COMMD10: variants seen among roughly 807,000 people sequenced by gnomAD.
COMMD10 encodes COMM domain containing 10.
In COMMD10, 33 loss-of-function variants were observed where a neutral mutation model predicts 28.9. That is an observed-to-expected ratio of 1.14 (90% confidence interval 0.87 to 1.53). COMMD10 has a LOEUF of 1.53. Among genes scored for constraint, COMMD10 ranks in the 40% most tolerant of loss-of-function variants. COMMD10 has a pLI of 0.00. For missense variants in COMMD10, 310 were observed against 233.4 expected (o/e 1.33, Z -2.14); for synonymous variants, 110 against 81.7 (o/e 1.35, Z -1.87).
intron 4 of COMMD10, among the ~76,000 whole-genome samples, chr5:116,130,447 T>G (rs1410272894): frequency 6.6e-6 from 1 of 151,942 alleles, no homozygotes; most frequent in Non-Finnish European, 1.5e-5. Flanking sequence ...TGACCCTGCT[T>G]CTCCGTCTTC....
chr5:116,093,948 T>C (rs2112713756), intron 4 of COMMD10, among the ~76,000 whole-genome samples: 1 of 152,254 alleles, frequency 6.6e-6, no homozygotes, highest in Non-Finnish European at 1.5e-5. Flanking sequence ...CTTTAATAAA[T>C]GGTGCTAGGA....
intron 5 of COMMD10, among the ~76,000 whole-genome samples, chr5:116,272,736 C>A (rs886528019): frequency 1.4e-4 from 22 of 151,954 alleles, no homozygotes; most frequent in East Asian, 1.9e-4. Flanking sequence ...TGCAGTTGAT[C>A]TGGGTGTTGT....
chr5:116,194,036 A>T (rs944457501), intron 5 of COMMD10, among the ~76,000 whole-genome samples: 2 of 152,182 alleles, frequency 1.3e-5, no homozygotes, highest in Non-Finnish European at 2.9e-5. Flanking sequence ...ATGCAAATAC[A>T]TGGAAATTAA....
At chr5:116,186,230 T>G (rs1021045477) in intron 5 of COMMD10, among the ~76,000 whole-genome samples, 3 of 152,184 alleles carry the variant, frequency 2.0e-5, no homozygotes, top group African/African-American at 7.2e-5. Flanking sequence ...AACAAATTGT[T>G]TATTTTCATT....
intron 5 of COMMD10, among the ~76,000 whole-genome samples, chr5:116,248,821 AC>A (rs1580581514): frequency 6.6e-6 from 1 of 151,988 alleles, no homozygotes; most frequent in Admixed American, 6.6e-5. Flanking sequence ...AAATATACTG[AC>A]AAAATTGAAA....
At chr5:116,204,067 C>T (rs572755296) in intron 5 of COMMD10, among the ~76,000 whole-genome samples, 3 of 151,510 alleles carry the variant, frequency 2.0e-5, no homozygotes, top group East Asian at 1.9e-4. Flanking sequence ...AAATGGAAAA[C>T]AAAAAAAGGC....
At chr5:116,208,275 C>G (rs994172105) in intron 5 of COMMD10, among the ~76,000 whole-genome samples, 20 of 152,118 alleles carry the variant, frequency 1.3e-4, no homozygotes, top group African/African-American at 3.4e-4. Flanking sequence ...TTTTATTGCA[C>G]TTTTGGAGCC....
At chr5:116,249,774 T>C (rs562842550) in intron 5 of COMMD10, among the ~76,000 whole-genome samples, 6 of 152,108 alleles carry the variant, frequency 3.9e-5, no homozygotes, top group African/African-American at 1.4e-4. Context: ...GTTGCCTTTA[T>C]ATGGCTTATG....
chr5:116,288,389 T>C (rs1423122056), intron 5 of COMMD10, among the ~76,000 whole-genome samples: 1 of 151,916 alleles, frequency 6.6e-6, no homozygotes, highest in South Asian at 2.1e-4. Flanking sequence ...TCTTTGACTT[T>C]ACACAGTTTG....
At chr5:116,109,881 G>C (rs1375530016) in intron 4 of COMMD10, among the ~76,000 whole-genome samples, 11 of 152,066 alleles carry the variant, frequency 7.2e-5, no homozygotes, top group Non-Finnish European at 1.6e-4. Flanking sequence ...TTGCCTGATG[G>C]CTGTGGCTAG....
intron 5 of COMMD10, among the ~76,000 whole-genome samples, chr5:116,165,237 C>T (rs1753050947): frequency 6.6e-6 from 1 of 152,154 alleles, no homozygotes; most frequent in African/African-American, 2.4e-5. Flanking sequence ...ATACCTCAGG[C>T]TATTTAAAAT....
chr5:116,216,034 A>G (rs1749092873), intron 5 of COMMD10, among the ~76,000 whole-genome samples: 1 of 152,092 alleles, frequency 6.6e-6, no homozygotes, highest in Admixed American at 6.5e-5. Flanking sequence ...ATAGAATTTG[A>G]TATCAGGGAA....
intron 4 of COMMD10, among the ~76,000 whole-genome samples, chr5:116,120,847 G>C (rs1751405836): frequency 6.6e-6 from 1 of 151,472 alleles, no homozygotes. Flanking sequence ...CTATTTCTAG[G>C]TTTTGGCTAT....
At chr5:116,173,136 CTT>C (rs1753393192) in intron 5 of COMMD10, among the ~76,000 whole-genome samples, 1 of 152,100 alleles carries the variant, frequency 6.6e-6, no homozygotes, top group African/African-American at 2.4e-5. Context: ...GTCATATAAT[CTT>C]AATTCATCTA....
intron 4 of COMMD10, among the ~76,000 whole-genome samples, chr5:116,118,753 GA>G (rs57341569): frequency 0.51 from 76,059 of 149,236 alleles, 21,687 homozygotes; most frequent in Non-Finnish European, 0.65. Context: ...AATTCTCCAG[GA>G]AAAAAAAAAA....
intron 5 of COMMD10, among the ~76,000 whole-genome samples, chr5:116,200,308 C>T (rs1338821219): frequency 6.6e-6 from 1 of 151,988 alleles, no homozygotes; most frequent in Non-Finnish European, 1.5e-5. Context: ...CTTTGCTCCT[C>T]TGTAAGTAAG....
At chr5:116,200,113 G>A (rs1206931250) in intron 5 of COMMD10, among the ~76,000 whole-genome samples, 1 of 4,044 alleles carries the variant, frequency 2.5e-4, no homozygotes, top group Non-Finnish European at 8.1e-3. Context: ...TATCCCTTGT[G>A]TTACAAATAA....
At chr5:116,137,687 A>C (rs9285884) in intron 5 of COMMD10, among the ~76,000 whole-genome samples, 136,406 of 151,972 alleles carry the variant, frequency 0.9, 61,362 homozygotes, top group African/African-American at 0.94. Context: ...CTAACATACA[A>C]ATGAAAAATG....
At chr5:116,179,877 C>T (rs570727282) in intron 5 of COMMD10, among the ~76,000 whole-genome samples, 1 of 151,942 alleles carries the variant, frequency 6.6e-6, no homozygotes, top group East Asian at 1.9e-4. Flanking sequence ...CAAGACATTT[C>T]TTGGGGGAAA....
Sources: gnomAD v4.1 joint callset for allele counts (sites outside exome capture counted in the v4.1 genomes callset) on GRCh38, gnomAD v4.1.1 for gene constraint, MANE v1.5 for transcripts, NCBI Gene and HGNC (gene_info 2026-07-23, HGNC 2026-07-21) for gene names.